LARGE2: variants seen among roughly 807,000 people sequenced by gnomAD.
The protein encoded by LARGE2 is xylosyl- and glucuronyltransferase LARGE2.
Under a neutral mutation model 75.3 loss-of-function variants are expected in LARGE2, and 63 were observed. The observed-to-expected ratio is 0.84, with a 90% CI of 0.68 to 1.03. The LOEUF is 1.03. LARGE2 is among the 50% of genes least tolerant of loss of function. LARGE2 has a pLI of 0.00. For missense variants in LARGE2, 925 were observed against 980.6 expected (o/e 0.94, Z 0.76); for synonymous variants, 428 against 420.1 (o/e 1.02, Z -0.23).
At position 45,924,801 on chromosome 11, in the gene LARGE2, T is replaced by TCTTGTGGAGAACCAGAGTGA. The variant is rs1484378124; in HGVS notation, c.684_703dup (p.Trp235LeufsTer31). The TCTTGTGGAGAACCAGAGTGA allele has an allele frequency of 6.6e-7, 1 of 1,513,084 alleles. No individual in the cohort carries two copies. Among genetic ancestry groups the TCTTGTGGAGAACCAGAGTGA allele is most frequent in the South Asian group, 1.3e-5 (1 of 76,536 alleles). 93.7% of individuals were successfully genotyped at this position (1,513,084 alleles called of 1,614,324 possible). ...CCCTCCCAGACACGCAGGCGATCGG[T>TCTTGTGGAGAACCAGAGTGA]CTTGTGGAGAACCAGAGTGACTGGT... On this transcript the variant is annotated frameshift_variant, in exon 6 of 14. Coordinates refer to ENST00000401752, the MANE Select transcript of LARGE2 (RefSeq NM_001300721.2). LOFTEE classifies it high-confidence loss of function.
chr11:45,924,632 G>A lies in LARGE2; in HGVS notation c.619G>A (p.Ala207Thr), dbSNP rs561356468. 20 of 1,614,026 alleles carry A rather than the reference G, an allele frequency of 1.2e-5. No individual in the cohort carries two copies. Among genetic ancestry groups the A allele is most frequent in the East Asian group, 6.7e-5 (3 of 44,866 alleles). The change falls in exon 5 of 14, where the codon GCC (alanine) becomes ACC (threonine). Residue 207 changes from alanine (A) to threonine (T), a missense_variant. Physicochemically the swap from Ala to Thr is moderately conservative, Grantham distance 58. Coordinates refer to ENST00000401752, the MANE Select transcript of LARGE2 (RefSeq NM_001300721.2). ...VIVLDTDVTF[A>T]SDISELWALF... ...TGTCCTGGACACGGATGTCACCTTC[G>A]CCTCTGACATCTCGGAGCTCTGGGC...
intron 13 of LARGE2, 112 bp downstream of exon 13, chr11:45,928,484 C>T: frequency 2.0e-6 from 3 of 1,527,924 alleles, no homozygotes; most frequent in Admixed American, 3.9e-5. Context: ...TTAGAAATGT[C>T]CCCCTTCTGT....
Position 45,927,584 on chromosome 11 carries a change from A to G in LARGE2, c.1595A>G (p.Asp532Gly). 1 of 1,613,326 alleles carries G rather than the reference A, an allele frequency of 6.2e-7. No individual in the cohort carries two copies. Among genetic ancestry groups the G allele is most frequent in the Non-Finnish European group, 8.5e-7 (1 of 1,179,860 alleles). Reference sequence around the variant, plus strand: ...TTCCTGCCTGCCTATTCTCTCTACGACTACCTCAGGTGGGCCTGCAGGCAG... The same window carrying G: ...TTCCTGCCTGCCTATTCTCTCTACGGCTACCTCAGGTGGGCCTGCAGGCAG... ...IDFLPAYSLYDYLRASIEQLG... is the reference protein window; with the variant it reads ...IDFLPAYSLYGYLRASIEQLG... The change falls in exon 11 of 14, where the codon GAC becomes GGC. Residue 532 changes from aspartate (D) to glycine (G), a missense_variant. Asp to Gly is a moderately conservative substitution (Grantham distance 94, BLOSUM62 -1). This residue lies in a region of LARGE2 where 469 missense variants were observed against 503.8 expected (regional missense o/e 0.93). Coordinates refer to ENST00000401752, the MANE Select transcript of LARGE2 (RefSeq NM_001300721.2).
chr11:45,926,171 G>A lies in LARGE2; in HGVS notation c.882+20G>A. On this transcript the variant is annotated intron_variant, in intron 7 of 13. Coordinates refer to ENST00000401752, the MANE Select transcript of LARGE2 (RefSeq NM_001300721.2). ...GACCAGGTCTGAGGAAGCCTTGCCG[G>A]GTGGGGTGTGGCAGGCTGGGGGCTG... The A allele has an allele frequency of 6.2e-7, 1 of 1,606,538 alleles. No individual in the cohort carries two copies. Among genetic ancestry groups the A allele is most frequent in the Non-Finnish European group, 8.5e-7 (1 of 1,176,368 alleles).
In LARGE2 at chr11:45,926,878, G is replaced by A. The variant is rs768887826; in HGVS notation, c.1325+7G>A. 6.2e-6 allele frequency: 10 copies of A among 1,606,374 alleles called. No individual in the cohort carries two copies. The highest frequency in any genetic ancestry group is 2.7e-5 in the African/African-American group (2 of 74,964). On this transcript the variant is annotated splice_region_variant and intron_variant, in intron 10 of 13. Transcript: ENST00000401752. ...CCCAGCTGTCCATGGACCGGTGAGG[G>A]TGCAGAGGGCAGCCCAGGGGGTATG...
At chr11:45,927,184 A>G (rs1051051537) in intron 10 of LARGE2, 131 bp from the exon 11 acceptor site, 49 of 1,052,530 alleles carry the variant, frequency 4.7e-5, no homozygotes, top group Admixed American at 4.6e-4. Context: ...ACTGGCTCTA[A>G]AAGTATTTGA....
intron 11 of LARGE2, 46 bp downstream of exon 11, chr11:45,927,639 G>A: frequency 6.3e-7 from 1 of 1,597,486 alleles, no homozygotes; most frequent in Non-Finnish European, 8.5e-7. Flanking sequence ...GGTGGACGTG[G>A]ACGGGGCATG....
In LARGE2 at chr11:45,927,495, C is replaced by G. The variant is rs766200726; in HGVS notation, c.1506C>G (p.Asn502Lys). ...GTGAGGGGCCCCTATACCCCGTCAA[C>G]CAGCTTCGCAACGTGGCCTTGGCCC... ...VYREGPLYPVNQLRNVALAQA... is the reference protein window; with the variant it reads ...VYREGPLYPVKQLRNVALAQA... The change falls in exon 11 of 14, where the codon AAC becomes AAG. Residue 502 changes from asparagine to lysine, a missense_variant. Physicochemically the swap from Asn to Lys is moderately conservative, Grantham distance 94 (BLOSUM62 0). Transcript: ENST00000401752. 21 of 1,614,248 alleles carry G rather than the reference C, an allele frequency of 1.3e-5. No individual in the cohort carries two copies. The highest frequency in any genetic ancestry group is 1.7e-5 in the Non-Finnish European group (20 of 1,180,044).
At chr11:45,924,440 A>G (rs1344281191) in intron 4 of LARGE2, 66 bp from the exon 5 acceptor site, 1 of 1,580,518 alleles carries the variant, frequency 6.3e-7, no homozygotes, top group Non-Finnish European at 8.6e-7. Context: ...GTGTCACTGC[A>G]AGCATGTGTT....
chr11:45,926,249 C>A lies in LARGE2; in HGVS notation c.910C>A (p.His304Asn). Residue 304 changes from histidine to asparagine, a missense_variant, in exon 8 of 14, where the codon CAC (histidine) becomes AAC (asparagine). His to Asn is a moderately conservative substitution (Grantham distance 68). Around this residue, in one of 3 missense-constraint regions of LARGE2, gnomAD observed 453 missense variants for 460.2 expected, o/e 0.98. Coordinates refer to ENST00000401752, the MANE Select transcript of LARGE2 (RefSeq NM_001300721.2). ...QDIFNAVIKE[H>N]PGLVQRLPCV... is the part of the protein sequence containing the mutation. ...CATCTTCAACGCTGTGATCAAGGAG[C>A]ACCCGGGGCTAGTGCAGCGTCTGCC... 3.7e-6 allele frequency: 6 copies of A among 1,614,182 alleles called. No homozygotes were observed. The highest frequency in any genetic ancestry group is 5.1e-6 in the Non-Finnish European group (6 of 1,180,016).
Position 45,928,770 on chromosome 11 carries a change from G to C in LARGE2, c.2091G>C (p.Leu697Phe), listed in dbSNP as rs776624598. 1.9e-6 allele frequency: 3 copies of C among 1,613,974 alleles called. No homozygotes were observed. The highest frequency in any genetic ancestry group is 1.1e-5 in the South Asian group (1 of 91,084). The change falls in exon 14 of 14, where the codon TTG (leucine) becomes TTC (phenylalanine). Residue 697 changes from leucine (L) to phenylalanine (F), a missense_variant. Physicochemically the swap from Leu to Phe is conservative, Grantham distance 22. Coordinates refer to ENST00000401752, the MANE Select transcript of LARGE2 (RefSeq NM_001300721.2). The stretch of plus-strand genomic sequence containing the variant: ...TCAAGGACGAATTCCACCAGGACTT[G>C]TCCCGCCACCATGGGGCTGCTGCCC... ...QALKDEFHQD[L>F]SRHHGAAALK...
chr11:45,924,918 G>A (rs368096853), intron 6 of LARGE2, 29 bp downstream of exon 6: 280 of 1,378,452 alleles, frequency 2.0e-4, no homozygotes, highest in Non-Finnish European at 2.6e-4. Flanking sequence ...GGAGGCAGGC[G>A]GGGTGGTCTG....
At position 45,923,532 on chromosome 11, in the gene LARGE2, G is replaced by A. The variant is rs758246336; in HGVS notation, c.345G>A (p.Leu115=). 1.9e-6 allele frequency: 3 copies of A among 1,613,946 alleles called. No individual in the cohort carries two copies. In the South Asian group the frequency reaches 3.3e-5, roughly 18 times the overall value. Residue 115 remains leucine (L), a synonymous_variant, in exon 3 of 14, where the codon CTG becomes CTA. Transcript: ENST00000401752. Reference sequence around the variant, plus strand: ...ACTCCAGCCGAGACGTCATCACCCTGGTGAAGTCCATGCTCTTCTACAGGT... The same window carrying A: ...ACTCCAGCCGAGACGTCATCACCCTAGTGAAGTCCATGCTCTTCTACAGGT... The part of the protein sequence containing the change: ...GHNSSRDVIT[L]VKSMLFYRKN...
rs2087218918 is a variant in LARGE2 at position 45,927,549 on chromosome 11, T to G, written c.1560T>G (p.Ser520Arg). 1.9e-6 allele frequency: 3 copies of G among 1,614,100 alleles called. No individual in the cohort carries two copies. The highest frequency in any genetic ancestry group is 2.7e-5 in the African/African-American group (2 of 75,052). Residue 520 changes from serine (S) to arginine (R), a missense_variant, in exon 11 of 14, where the codon AGT becomes AGG. Around this residue, in one of 3 missense-constraint regions of LARGE2, gnomAD observed 469 missense variants for 503.8 expected, o/e 0.93. Coordinates refer to ENST00000401752, the MANE Select transcript of LARGE2 (RefSeq NM_001300721.2). ...CCCTCACGCCTTACGTCTTCCTCAGTGACATTGACTTCCTGCCTGCCTATT... is the reference window on the plus strand; with the variant it reads ...CCCTCACGCCTTACGTCTTCCTCAGGGACATTGACTTCCTGCCTGCCTATT... ...AQALTPYVFL[S>R]DIDFLPAYSL...
rs751298508 is a variant in LARGE2 at position 45,923,547 on chromosome 11, C to A, written c.360C>A (p.Leu120=). 13 of 1,613,858 alleles carry A rather than the reference C, an allele frequency of 8.1e-6. No homozygotes were observed. Among genetic ancestry groups the A allele is most frequent in the Non-Finnish European group, 1.1e-5 (13 of 1,179,872 alleles). The change falls in exon 3 of 14, where the codon CTC becomes CTA. Residue 120 remains leucine, a synonymous_variant. Coordinates refer to ENST00000401752, the MANE Select transcript of LARGE2 (RefSeq NM_001300721.2). ...RDVITLVKSM[L]FYRKNPLHLH... ...TCATCACCCTGGTGAAGTCCATGCTCTTCTACAGGTACAGCCAGGTGTCCG... is the reference window on the plus strand; with the variant it reads ...TCATCACCCTGGTGAAGTCCATGCTATTCTACAGGTACAGCCAGGTGTCCG...
rs1296895599 is a variant in LARGE2 at position 45,926,488 on chromosome 11, A to G, written c.1055A>G (p.His352Arg). The G allele has an allele frequency of 3.1e-6, 5 of 1,614,138 alleles. No homozygotes were observed. The South Asian group carries it at 3.3e-5, about 11-fold the overall frequency. ...SPKKLRVKNK[H>R]VEFFRNFYLT... ...AAGAAGCTTCGGGTGAAGAACAAGCATGTGGAATTCTTCCGCAATTTCTAC... is the reference window on the plus strand; with the variant it reads ...AAGAAGCTTCGGGTGAAGAACAAGCGTGTGGAATTCTTCCGCAATTTCTAC... The change falls in exon 9 of 14, where the codon CAT (histidine) becomes CGT (arginine). Residue 352 changes from histidine to arginine, a missense_variant. Physicochemically the swap from His to Arg is conservative, Grantham distance 29. Transcript: ENST00000401752.
chr11:45,928,813 C>CG lies in LARGE2; in HGVS notation c.2134_2135insG (p.Leu712ArgfsTer21). 1 of 1,613,454 alleles carries CG rather than the reference C, an allele frequency of 6.2e-7. No individual in the cohort carries two copies. The highest frequency in any genetic ancestry group is 8.5e-7 in the Non-Finnish European group (1 of 1,179,966). On this transcript the variant is annotated frameshift_variant, in exon 14 of 14. Transcript: ENST00000401752. LOFTEE classifies it low-confidence loss of function (END_TRUNC). ...TGCTGCCCTCAAATACCTCCCAGCC[C>CG]TGCAGCAGCCCCAGAGCCCTGCCCG...
In LARGE2 at chr11:45,927,758, G is replaced by A. The variant is rs549609911; in HGVS notation, c.1605-162G>A. 54 of 1,419,462 alleles carry A rather than the reference G, an allele frequency of 3.8e-5. No individual in the cohort carries two copies. In the African/African-American group the frequency reaches 7.2e-4, roughly 19 times the overall value. 87.9% of individuals were successfully genotyped at this position (1,419,462 alleles called of 1,614,324 possible). ...TCTGGGCTGTCAACAGGGAGGCCAG[G>A]GCCGGCTTCAACAGCAGCTCCACCT... On this transcript the variant is annotated intron_variant, in intron 11 of 13. Coordinates refer to ENST00000401752, the MANE Select transcript of LARGE2 (RefSeq NM_001300721.2).
rs779086666 is a variant in LARGE2, at chr11:45,927,462, G to T, written c.1473G>T (p.Val491=). The change falls in exon 11 of 14, where the codon GTG becomes GTT. Residue 491 remains valine, a synonymous_variant. Transcript: ENST00000401752. ...CCCGGCAGGACGTGGCCTACCATGTGGTGTACCGTGAGGGGCCCCTATACC... is the reference window on the plus strand; with the variant it reads ...CCCGGCAGGACGTGGCCTACCATGTTGTGTACCGTGAGGGGCCCCTATACC... ...LAARQDVAYH[V]VYREGPLYPV... is the part of the protein sequence containing the mutation. 7.6e-5 allele frequency: 123 copies of T among 1,614,108 alleles called. No individual in the cohort carries two copies. The highest frequency in any genetic ancestry group is 1.0e-4 in the Non-Finnish European group (120 of 1,180,044).
Sources: gnomAD v4.1 joint callset for allele counts on GRCh38, gnomAD v4.1.1 for gene constraint, gnomAD v4.1.1 regional missense constraint, MANE v1.5 for transcripts, NCBI Gene and HGNC (gene_info 2026-07-23, HGNC 2026-07-21) for gene names.